ARHGAP26: variants seen among roughly 807,000 people sequenced by gnomAD.
ARHGAP26 encodes the protein rho GTPase-activating protein 26.
A neutral mutation model predicts 104.8 loss-of-function variants in ARHGAP26; 38 were observed. The observed-to-expected ratio is 0.36, with a 90% confidence interval of 0.28 to 0.48. The LOEUF (loss-of-function observed/expected upper bound fraction) is 0.48. ARHGAP26 is among the 20% of genes least tolerant of loss of function. The probability of loss-of-function intolerance (pLI) is 0.99; values close to 1 mark genes in which losing one functional copy is unlikely to be tolerated. For missense variants in ARHGAP26, 704 were observed against 947.9 expected, an observed-to-expected ratio of 0.74 and a Z score of 3.38; for synonymous variants, 341 against 340.0, an observed-to-expected ratio of 1.00 and a Z score of -0.03.
At chr5:143,209,707 G>C (rs1809135661) in intron 21 of ARHGAP26, among the ~76,000 whole-genome samples, 1 of 151,982 alleles carries the variant, frequency 6.6e-6, no homozygotes, top group Non-Finnish European at 1.5e-5. Flanking sequence ...CTTGAACCTG[G>C]GAGGCAAAGT....
At chr5:142,935,727 C>T (rs1347090687) in intron 11 of ARHGAP26, among the ~76,000 whole-genome samples, 1 of 152,162 alleles carries the variant, frequency 6.6e-6, no homozygotes, top group Non-Finnish European at 1.5e-5. Flanking sequence ...TCATCTTCCT[C>T]TGAGAGAAAA....
At chr5:142,839,650 A>G (rs2152174619) in intron 1 of ARHGAP26, among the ~76,000 whole-genome samples, 1 of 152,336 alleles carries the variant, frequency 6.6e-6, no homozygotes, top group Admixed American at 6.5e-5. Flanking sequence ...TCTGGTTTTC[A>G]AAACCAAAAA....
chr5:143,206,886 G>A (rs914477307), intron 20 of ARHGAP26, among the ~76,000 whole-genome samples: 23 of 152,282 alleles, frequency 1.5e-4, no homozygotes, highest in African/African-American at 5.3e-4. Flanking sequence ...GCACGTGGGT[G>A]TGGGAACTCA....
rs1199683993 is a variant in ARHGAP26, at chr5:142,903,635, C to T, written c.798C>T (p.Tyr266=). The T allele has an allele frequency of 3.1e-6, 5 of 1,614,058 alleles. No individual in the cohort carries two copies. The highest frequency in any genetic ancestry group is 2.2e-5 in the East Asian group (1 of 44,888). Reference sequence around the variant, plus strand: ...TTGAGCACAAGACCATCAGTCCCTACACCATGGAGGGATACCTCTACGTGC... The same window carrying T: ...TTGAGCACAAGACCATCAGTCCCTATACCATGGAGGGATACCTCTACGTGC... ...NPLEHKTISP[Y]TMEGYLYVQE... Residue 266 remains tyrosine, a synonymous_variant, in exon 8 of 23, where the codon TAC becomes TAT. Transcript: ENST00000645722.
rs560275842 is a variant in ARHGAP26 at position 143,198,121 on chromosome 5, C to T, written c.1989-9077C>T. ...AAGATTGGATGTAGTAGCACTATTGCGTCCCTTTTATTTGTATGTTACTTG... is the reference window on the plus strand; with the variant it reads ...AAGATTGGATGTAGTAGCACTATTGTGTCCCTTTTATTTGTATGTTACTTG... On this transcript the variant is annotated intron_variant, in intron 20 of 22. Coordinates refer to ENST00000645722, the MANE Select transcript of ARHGAP26 (RefSeq NM_001135608.3). Among the ~76,000 whole-genome samples the T allele has an allele frequency of 2.3e-4, 35 of 152,278 alleles. No individual in the cohort carries two copies. The South Asian group carries it at 5.6e-3, about 24-fold the overall frequency.
intron 11 of ARHGAP26, among the ~76,000 whole-genome samples, chr5:142,967,509 C>T (rs1410870051): frequency 1.3e-5 from 2 of 152,126 alleles, no homozygotes; most frequent in Non-Finnish European, 2.9e-5. Context: ...AGGCCGGGTG[C>T]GGTGGCTCAC....
At chr5:142,881,149 G>A (rs1028584118) in intron 4 of ARHGAP26, among the ~76,000 whole-genome samples, 1 of 152,252 alleles carries the variant, frequency 6.6e-6, no homozygotes, top group African/African-American at 2.4e-5. Flanking sequence ...TGGCCTTGGG[G>A]CCTGTGCCTC....
Position 142,873,482 on chromosome 5 carries a change from T to C in ARHGAP26, c.237T>C (p.Asp79=). The change falls in exon 2 of 23, where the codon GAT becomes GAC. Residue 79 remains aspartate (D), a synonymous_variant. Coordinates refer to ENST00000645722, the MANE Select transcript of ARHGAP26 (RefSeq NM_001135608.3). ...FQCIGDAETD[D]EMCIARSLQE... Reference sequence around the variant, plus strand: ...GCATAGGAGATGCAGAAACAGATGATGAGATGTGTATAGGTAAGTCATAAC... The same window carrying C: ...GCATAGGAGATGCAGAAACAGATGACGAGATGTGTATAGGTAAGTCATAAC... 1 of 1,593,200 alleles carries C rather than the reference T, an allele frequency of 6.3e-7. No individual in the cohort carries two copies.
At chr5:143,044,457 C>T (rs246660) in intron 14 of ARHGAP26, among the ~76,000 whole-genome samples, 35,977 of 151,922 alleles carry the variant, frequency 0.24, 4,482 homozygotes, top group South Asian at 0.33. Flanking sequence ...CAGAAGGCTC[C>T]AGCGAGGACT....
At chr5:143,018,880 T>C (rs245816) in intron 12 of ARHGAP26, among the ~76,000 whole-genome samples, 27,885 of 152,206 alleles carry the variant, frequency 0.18, 3,113 homozygotes, top group East Asian at 0.49. Context: ...ATAAAATTTT[T>C]CTTTGCGAGT....
intron 1 of ARHGAP26, among the ~76,000 whole-genome samples, chr5:142,843,649 T>A (rs1307310423): frequency 6.6e-6 from 1 of 152,214 alleles, no homozygotes. Context: ...TTTTTTTTGA[T>A]GATTAAAACA....
At chr5:143,077,308 G>T (rs1789179890) in intron 17 of ARHGAP26, among the ~76,000 whole-genome samples, 1 of 152,158 alleles carries the variant, frequency 6.6e-6, no homozygotes, top group Non-Finnish European at 1.5e-5. Context: ...GAACAGCTTG[G>T]CTGAAGACCT....
At chr5:142,874,209 G>C (rs1355836870) in intron 2 of ARHGAP26, among the ~76,000 whole-genome samples, 2 of 152,172 alleles carry the variant, frequency 1.3e-5, no homozygotes, top group African/African-American at 4.8e-5. Context: ...CACCTGCCTT[G>C]GTCTGTAGGC....
At chr5:142,856,424 C>G (rs1430019427) in intron 1 of ARHGAP26, among the ~76,000 whole-genome samples, 1 of 152,220 alleles carries the variant, frequency 6.6e-6, no homozygotes, top group Non-Finnish European at 1.5e-5. Context: ...TGAGGCTGAA[C>G]AGACCACCCA....
At chr5:143,015,579 G>A (rs1779475274) in intron 12 of ARHGAP26, among the ~76,000 whole-genome samples, 1 of 152,176 alleles carries the variant, frequency 6.6e-6, no homozygotes, top group Non-Finnish European at 1.5e-5. Context: ...CAAAAAATGG[G>A]AACAGAGTAG....
At chr5:142,782,263 G>A (rs2151855119) in intron 1 of ARHGAP26, among the ~76,000 whole-genome samples, 1 of 152,324 alleles carries the variant, frequency 6.6e-6, no homozygotes, top group East Asian at 1.9e-4. Flanking sequence ...CACCCACAAG[G>A]CTGTGGGAAG....
At chr5:143,034,727 T>C (rs1038037687) in intron 12 of ARHGAP26, among the ~76,000 whole-genome samples, 4 of 152,044 alleles carry the variant, frequency 2.6e-5, no homozygotes, top group South Asian at 2.1e-4. Flanking sequence ...GGTAAACTTA[T>C]GGTATATGAA....
chr5:142,823,024 A>C (rs1766496599), intron 1 of ARHGAP26, among the ~76,000 whole-genome samples: 1 of 152,236 alleles, frequency 6.6e-6, no homozygotes, highest in Non-Finnish European at 1.5e-5. Context: ...TATGCTTACC[A>C]TCAAATAGGC....
chr5:143,042,904 C>T (rs184654435), intron 14 of ARHGAP26, among the ~76,000 whole-genome samples: 20 of 152,120 alleles, frequency 1.3e-4, no homozygotes, highest in Admixed American at 1.0e-3. Context: ...TGATTATTTG[C>T]GAGGTACTCT....
Sources: allele counts gnomAD v4.1 joint callset (sites outside exome capture counted in the v4.1 genomes callset), GRCh38; gene constraint gnomAD v4.1.1; transcripts MANE v1.5; gene names NCBI Gene and HGNC (gene_info 2026-07-23, HGNC 2026-07-21).